Variants in CPQ observed in about 807,000 individuals in gnomAD.
CPQ encodes Ser-Met dipeptidase.
A neutral mutation model predicts 45.7 loss-of-function variants in CPQ; 37 were observed. That is an observed-to-expected ratio of 0.81 (90% CI 0.62 to 1.07). The LOEUF (loss-of-function observed/expected upper bound fraction) is 1.07. Among genes scored for constraint, CPQ ranks in the 50% least tolerant of loss-of-function variants. CPQ has a pLI of 0.00. For missense variants in CPQ, 537 were observed against 572.9 expected (o/e 0.94, Z 0.64); for synonymous variants, 186 against 205.8 (o/e 0.90, Z 0.82).
chr8:96,741,670 T>C (rs927831791), intron 1 of CPQ, among the ~76,000 whole-genome samples: 6 of 152,230 alleles, frequency 3.9e-5, no homozygotes, highest in African/African-American at 1.4e-4. Context: ...TTCTGGTATG[T>C]TGTGTCTTTG....
intron 4 of CPQ, among the ~76,000 whole-genome samples, chr8:96,912,678 T>C (rs1563527372): frequency 6.6e-6 from 1 of 152,174 alleles, no homozygotes; most frequent in Non-Finnish European, 1.5e-5. Context: ...CTTTGCCAGT[T>C]CTTTGAAGGA....
intron 3 of CPQ, among the ~76,000 whole-genome samples, chr8:96,873,277 G>T (rs1254190409): frequency 6.6e-6 from 1 of 151,446 alleles, no homozygotes; most frequent in Non-Finnish European, 1.5e-5. Context: ...AGGAAATTTA[G>T]TCCCATCTCC....
At chr8:96,654,936 T>C (rs1815621325) in intron 1 of CPQ, among the ~76,000 whole-genome samples, 2 of 146,020 alleles carry the variant, frequency 1.4e-5, no homozygotes, top group South Asian at 4.3e-4. Context: ...CTTTGTGGCT[T>C]TTTTTTTTTT....
chr8:96,690,572 A>G (rs1189472587), intron 1 of CPQ, among the ~76,000 whole-genome samples: 2 of 152,156 alleles, frequency 1.3e-5, no homozygotes, highest in Admixed American at 1.3e-4. Context: ...AGGGATTGTT[A>G]GTTTTTCTGT....
At chr8:96,839,507 A>T (rs973978605) in intron 3 of CPQ, among the ~76,000 whole-genome samples, 6 of 152,176 alleles carry the variant, frequency 3.9e-5, no homozygotes, top group African/African-American at 1.4e-4. Flanking sequence ...ATATGTTTTA[A>T]GAATAAATGC....
intron 1 of CPQ, among the ~76,000 whole-genome samples, chr8:96,769,020 A>G (rs928856508): frequency 6.6e-5 from 10 of 152,308 alleles, no homozygotes; most frequent in African/African-American, 2.2e-4. Flanking sequence ...AATTAAATCT[A>G]TATATCTCCA....
chr8:96,819,822 T>C (rs979239671), intron 2 of CPQ, among the ~76,000 whole-genome samples: 1 of 152,028 alleles, frequency 6.6e-6, no homozygotes, highest in Non-Finnish European at 1.5e-5. Context: ...GTCTTCAGGA[T>C]CATACCGGAA....
At chr8:96,712,409 C>T (rs1157087598) in intron 1 of CPQ, among the ~76,000 whole-genome samples, 1 of 152,144 alleles carries the variant, frequency 6.6e-6, no homozygotes, top group Non-Finnish European at 1.5e-5. Flanking sequence ...CCTTCCACAT[C>T]ACCCTAGCAG....
At chr8:97,120,807 T>C (rs184393812) in intron 7 of CPQ, among the ~76,000 whole-genome samples, 93 of 152,320 alleles carry the variant, frequency 6.1e-4, no homozygotes, top group African/African-American at 2.1e-3. Flanking sequence ...GCTCTAATTA[T>C]CTGCATGAGA....
At chr8:96,953,791 T>C (rs1487294882) in intron 4 of CPQ, among the ~76,000 whole-genome samples, 1 of 152,142 alleles carries the variant, frequency 6.6e-6, no homozygotes, top group East Asian at 1.9e-4. Context: ...CACCTGAGTT[T>C]CCTGATTGTT....
chr8:96,803,248 T>A (rs1241525723), intron 2 of CPQ, among the ~76,000 whole-genome samples: 1 of 152,198 alleles, frequency 6.6e-6, no homozygotes, highest in Non-Finnish European at 1.5e-5. Flanking sequence ...GCCTTTCTGC[T>A]CTATTCAGCC....
Position 96,896,965 on chromosome 8 carries a change from T to A in CPQ, c.849+16960T>A, listed in dbSNP as rs191479875. Among the ~76,000 whole-genome samples the A allele has an allele frequency of 1.0e-3, 158 of 152,276 alleles. 1 individual carries two copies. The highest frequency in any genetic ancestry group is 3.2e-3 in the African/African-American group (135 of 41,566). ...CCCTCAATGTGGTTTCCATATTGGA[T>A]TATCCCAACAGAGAAAGATATGGAA... On this transcript the variant is annotated intron_variant, in intron 4 of 7. Transcript: ENST00000220763.
At chr8:97,040,923 C>T (rs909051635) in intron 6 of CPQ, among the ~76,000 whole-genome samples, 1 of 152,120 alleles carries the variant, frequency 6.6e-6, no homozygotes, top group African/African-American at 2.4e-5. Flanking sequence ...AGTGTGATGC[C>T]TCCAGCTTTG....
intron 4 of CPQ, among the ~76,000 whole-genome samples, chr8:96,904,148 C>A (rs1812547032): frequency 6.6e-6 from 1 of 152,196 alleles, no homozygotes; most frequent in South Asian, 2.1e-4. Flanking sequence ...TTGATACTTT[C>A]TTTGATAGAT....
chr8:96,813,735 G>A (rs954936146), intron 2 of CPQ, among the ~76,000 whole-genome samples: 10 of 152,038 alleles, frequency 6.6e-5, no homozygotes, highest in African/African-American at 2.4e-4. Flanking sequence ...TGCTGCCTAG[G>A]ACTCATAACG....
intron 1 of CPQ, among the ~76,000 whole-genome samples, chr8:96,674,812 A>C (rs1809053849): frequency 1.3e-5 from 2 of 152,166 alleles, no homozygotes; most frequent in South Asian, 4.1e-4. Context: ...AGGTAAAGAA[A>C]AACCTTTTGA....
At chr8:97,080,379 A>G (rs2130550176) in intron 7 of CPQ, among the ~76,000 whole-genome samples, 2 of 152,302 alleles carry the variant, frequency 1.3e-5, no homozygotes, top group East Asian at 3.9e-4. Context: ...CTGATTTCTT[A>G]TAAGAGCTTT....
chr8:97,001,721 C>CTTT (rs61282246), intron 5 of CPQ, among the ~76,000 whole-genome samples: 536 of 92,020 alleles, frequency 5.8e-3, no homozygotes, highest in Non-Finnish European at 6.4e-3. Context: ...TTCTTTCTTT[C>CTTT]TTTTTTTTTT....
At position 96,648,168 on chromosome 8, in the gene CPQ, C is replaced by A. The variant is rs1482813157; in HGVS notation, c.-35+2766C>A. ...TTCTTTTTCGTCAGCCAAGTTTAGCCCCATGGAAAGCAGAGACCAGTTGTG... is the reference window on the plus strand; with the variant it reads ...TTCTTTTTCGTCAGCCAAGTTTAGCACCATGGAAAGCAGAGACCAGTTGTG... On this transcript the variant is annotated intron_variant, in intron 1 of 7. Transcript: ENST00000220763. 9.2e-5 allele frequency among the ~76,000 whole-genome samples: 14 copies of A among 152,050 alleles called. No individual in the cohort carries two copies. In the East Asian group the frequency reaches 2.5e-3, roughly 27 times the overall value.
Sources: allele counts gnomAD v4.1 joint callset (sites outside exome capture counted in the v4.1 genomes callset), GRCh38; gene constraint gnomAD v4.1.1; transcripts MANE v1.5; gene names NCBI Gene and HGNC (gene_info 2026-07-23, HGNC 2026-07-21).